ABI3BP: variants seen among roughly 807,000 people sequenced by gnomAD.
ABI3BP encodes target of Nesh-SH3.
ABI3BP carries 216 observed loss-of-function variants against 268.6 expected under a neutral mutation model. The ratio of observed to expected loss-of-function variants is 0.80; its 90% confidence interval spans 0.72 to 0.90. The LOEUF is 0.90. Ranked by LOEUF, ABI3BP falls within the 40% of genes least tolerant of loss-of-function variation. The pLI, the probability that ABI3BP is intolerant of heterozygous loss-of-function variation, is 0.00. For missense variants in ABI3BP, 2,090 were observed against 2,182.4 expected, an observed-to-expected ratio of 0.96 and a Z score of 0.84; for synonymous variants, 730 against 730.0, an observed-to-expected ratio of 1.00 and a Z score of 0.00.
chr3:100,792,617 C>G lies in ABI3BP; in HGVS notation c.4024+74G>C, dbSNP rs956486370. On this transcript the variant is annotated intron_variant, in intron 55 of 67. Transcript: ENST00000471714. Reference sequence around the variant, plus strand: ...ATCCACTGTGTTGAGAAATGACATTCTGAAAGAAAATTTCTTTCCTGATTA... The same window carrying G: ...ATCCACTGTGTTGAGAAATGACATTGTGAAAGAAAATTTCTTTCCTGATTA... 6.8e-6 allele frequency: 10 copies of G among 1,462,320 alleles called. No individual in the cohort carries two copies. In the African/African-American group the frequency reaches 1.3e-4, roughly 18 times the overall value. 90.6% of individuals were successfully genotyped at this position (1,462,320 alleles called of 1,614,324 possible).
At position 100,846,422 on chromosome 3, in the gene ABI3BP, G is replaced by A; in HGVS notation, c.1673C>T (p.Ser558Phe). 1.3e-6 allele frequency: 2 copies of A among 1,598,770 alleles called. No individual in the cohort carries two copies. The highest frequency in any genetic ancestry group is 2.3e-5 in the South Asian group (2 of 87,814). Residue 558 changes from serine to phenylalanine, a missense_variant, in exon 20 of 68, where the codon TCT becomes TTT. Ser to Phe is a radical substitution (Grantham distance 155). Transcript: ENST00000471714. The part of the protein sequence containing the change: ...TPAPGKTQFI[S>F]LKPKIPLSPE... ...GCTGAGAGGGATTTTAGGTTTCAGA[G>A]AAATAAATTGTGTTTTACCGGGAGC... is the stretch of plus-strand genomic sequence containing the variant.
chr3:100,993,241 A>C (rs1562377864), intron 1 of ABI3BP, 65 bp downstream of exon 1: 1 of 1,175,894 alleles, frequency 8.5e-7, no homozygotes. Flanking sequence ...CATATTTAAA[A>C]TCAACATTTA....
chr3:100,869,330 G>GTTTTTTT (rs144604645), intron 9 of ABI3BP, among the ~76,000 whole-genome samples: 5 of 49,762 alleles, frequency 1.0e-4, no homozygotes, highest in Admixed American at 3.1e-4. Context: ...CTTCTTTTTG[G>GTTTTTTT]TTTTTTTTTT....
At chr3:100,764,374 A>C (rs1252030468) in intron 63 of ABI3BP, among the ~76,000 whole-genome samples, 1 of 152,258 alleles carries the variant, frequency 6.6e-6, no homozygotes, top group East Asian at 1.9e-4. Context: ...GTTCAAGGGC[A>C]GCCACCATGT....
At chr3:100,883,235 T>C (rs1336846789) in intron 6 of ABI3BP, among the ~76,000 whole-genome samples, 1 of 152,102 alleles carries the variant, frequency 6.6e-6, no homozygotes, top group Non-Finnish European at 1.5e-5. Context: ...ATTTATCTGC[T>C]CTCTGGAGAG....
chr3:100,793,905 G>A (rs2097265987), intron 54 of ABI3BP, among the ~76,000 whole-genome samples: 2 of 151,922 alleles, frequency 1.3e-5, no homozygotes, highest in Non-Finnish European at 2.9e-5. Flanking sequence ...TTCCCACACA[G>A]CACATTTGTG....
intron 38 of ABI3BP, 127 bp from the exon 39 acceptor site, chr3:100,821,240 T>G (rs1346475339): frequency 1.3e-6 from 1 of 763,090 alleles, no homozygotes; most frequent in Non-Finnish European, 2.0e-6. Flanking sequence ...CTTTAAAAAC[T>G]GTTAAAACTA....
intron 2 of ABI3BP, among the ~76,000 whole-genome samples, chr3:100,907,266 G>T (rs1582911067): frequency 6.6e-6 from 1 of 152,206 alleles, no homozygotes; most frequent in African/African-American, 2.4e-5. Context: ...GGCCAAGGTA[G>T]GGAGATCACT....
intron 39 of ABI3BP, among the ~76,000 whole-genome samples, chr3:100,820,537 T>C (rs1176153174): frequency 1.3e-5 from 2 of 152,206 alleles, no homozygotes; most frequent in Non-Finnish European, 2.9e-5. Context: ...GAATAGTCAA[T>C]AGGACTCACC....
chr3:100,863,835 C>T (rs1022082910), intron 12 of ABI3BP, 167 bp downstream of exon 12: 1 of 561,022 alleles, frequency 1.8e-6, no homozygotes, highest in Admixed American at 3.0e-5. Flanking sequence ...AACAACCCAA[C>T]CAAACAATTT....
At chr3:100,838,902 G>T (rs1441782007) in intron 24 of ABI3BP, among the ~76,000 whole-genome samples, 1 of 152,108 alleles carries the variant, frequency 6.6e-6, no homozygotes. Context: ...CGATGTCTGG[G>T]ATTTCCCAAA....
At chr3:100,834,392 G>C (rs1428236852) in intron 29 of ABI3BP, among the ~76,000 whole-genome samples, 5 of 152,112 alleles carry the variant, frequency 3.3e-5, no homozygotes, top group Non-Finnish European at 5.9e-5. Flanking sequence ...AACTAAATAT[G>C]CTAACTAGAC....
At chr3:100,778,212 G>A (rs1455681508) in intron 59 of ABI3BP, 72 bp downstream of exon 59, 60 of 1,450,334 alleles carry the variant, frequency 4.1e-5, no homozygotes, top group East Asian at 6.8e-5. Flanking sequence ...TTGCTAGCAC[G>A]CCAAGAAGAG....
chr3:100,920,693 T>C (rs1485409097), intron 2 of ABI3BP, among the ~76,000 whole-genome samples: 7 of 152,338 alleles, frequency 4.6e-5, no homozygotes, highest in Non-Finnish European at 7.4e-5. Flanking sequence ...AGTGCTGGGA[T>C]TACAGGCATG....
chr3:100,815,939 T>G lies in ABI3BP; in HGVS notation c.3262A>C (p.Ser1088Arg). 6.5e-7 allele frequency: 1 copy of G among 1,528,654 alleles called. No individual in the cohort carries two copies. Among genetic ancestry groups the G allele is most frequent in the Non-Finnish European group, 8.7e-7 (1 of 1,144,792 alleles). 94.7% of individuals were successfully genotyped at this position (1,528,654 alleles called of 1,614,324 possible). ...AATGTTGTTCCTGGAGCATCAGTAC[T>G]ATGAACAACAGGTTCAAAGCCTGTA... ...SVTGFEPVVHSTDAPGTTFAL... is the reference protein window; with the variant it reads ...SVTGFEPVVHRTDAPGTTFAL... Residue 1088 changes from serine (S) to arginine (R), a missense_variant, in exon 44 of 68, where the codon AGT becomes CGT. Ser to Arg is a moderately radical substitution (Grantham distance 110). Coordinates refer to ENST00000471714, the MANE Select transcript of ABI3BP (RefSeq NM_001375547.2).
chr3:100,788,932 A>T (rs2097125267), intron 56 of ABI3BP, among the ~76,000 whole-genome samples: 4 of 152,090 alleles, frequency 2.6e-5, no homozygotes, highest in Admixed American at 2.6e-4. Flanking sequence ...TTTCTGAACA[A>T]GCTCCAATGA....
intron 1 of ABI3BP, among the ~76,000 whole-genome samples, chr3:100,984,833 A>T (rs2091089427): frequency 6.6e-6 from 1 of 152,090 alleles, no homozygotes; most frequent in Non-Finnish European, 1.5e-5. Flanking sequence ...CCTTCCCAAC[A>T]CAAGAGAAGA....
At chr3:100,773,963 G>C (rs149858522) in intron 61 of ABI3BP, among the ~76,000 whole-genome samples, 1 of 152,278 alleles carries the variant, frequency 6.6e-6, no homozygotes, top group Non-Finnish European at 1.5e-5. Flanking sequence ...GAAAGGGATT[G>C]CAAAGACACA....
intron 1 of ABI3BP, among the ~76,000 whole-genome samples, chr3:100,953,433 G>A (rs1390152671): frequency 1.3e-5 from 2 of 152,138 alleles, no homozygotes; most frequent in Non-Finnish European, 2.9e-5. Context: ...GCTAAATAGC[G>A]TGTATGCAAA....
Sources: allele counts gnomAD v4.1 joint callset (sites outside exome capture counted in the v4.1 genomes callset), GRCh38; gene constraint gnomAD v4.1.1; transcripts MANE v1.5; gene names NCBI Gene and HGNC (gene_info 2026-07-23, HGNC 2026-07-21).